The following IKZF1 variants were observed in gnomAD, a reference collection of about 807,000 sequenced individuals.
IKZF1 encodes DNA-binding protein Ikaros.
A neutral mutation model predicts 51.7 loss-of-function variants in IKZF1; 10 were observed. The ratio of observed to expected loss-of-function variants is 0.19; its 90% CI spans 0.12 to 0.33. IKZF1 has a LOEUF of 0.33. Ranked by LOEUF, IKZF1 falls within the 10% of genes least tolerant of loss-of-function variation. The probability of loss-of-function intolerance (pLI) is 1.00; values close to 1 mark genes in which losing one functional copy is unlikely to be tolerated. For synonymous variants in IKZF1, 280 were observed against 282.3 expected (o/e 0.99, Z 0.08); for missense variants, 484 against 707.5 (o/e 0.68, Z 3.58).
rs1026119292 is a variant in IKZF1 at position 50,354,721 on chromosome 7, T to C, written c.161-21812T>C. ...TCTTTTCCCTAGTATTGGTGAAGAA[T>C]TTTTAAAGTAACCAACCCATACCGT... On this transcript the variant is annotated intron_variant, in intron 3 of 7. Coordinates refer to ENST00000331340, the MANE Select transcript of IKZF1 (RefSeq NM_006060.6). 7.2e-5 allele frequency among the ~76,000 whole-genome samples: 11 copies of C among 152,146 alleles called. No homozygotes were observed. The East Asian group carries it at 2.1e-3, about 29-fold the overall frequency.
At chr7:50,361,925 G>A (rs946982972) in intron 3 of IKZF1, among the ~76,000 whole-genome samples, 1 of 152,082 alleles carries the variant, frequency 6.6e-6, no homozygotes, top group African/African-American at 2.4e-5. Flanking sequence ...TTTTGAACCT[G>A]CTGTTTCCTT....
intron 3 of IKZF1, among the ~76,000 whole-genome samples, chr7:50,329,456 A>G (rs930156848): frequency 6.6e-6 from 1 of 152,232 alleles, no homozygotes; most frequent in Non-Finnish European, 1.5e-5. Flanking sequence ...ATTGTCTTCT[A>G]TGTATTGCAA....
chr7:50,339,448 G>C (rs1357652990), intron 3 of IKZF1, among the ~76,000 whole-genome samples: 1 of 152,056 alleles, frequency 6.6e-6, no homozygotes, highest in Admixed American at 6.6e-5. Flanking sequence ...GTTGCTGGGG[G>C]AGTATGATTA....
chr7:50,383,272 A>G (rs1439867983), intron 5 of IKZF1, among the ~76,000 whole-genome samples: 1 of 152,204 alleles, frequency 6.6e-6, no homozygotes, highest in African/African-American at 2.4e-5. Context: ...ACCAGATTTT[A>G]GACAGCAGCC....
At chr7:50,363,820 G>C (rs1166467352) in intron 3 of IKZF1, among the ~76,000 whole-genome samples, 11 of 152,158 alleles carry the variant, frequency 7.2e-5, no homozygotes, top group Admixed American at 7.2e-4. Flanking sequence ...TGTTCTGTCT[G>C]GAGTATTTGG....
At chr7:50,384,651 C>T (rs181376187) in intron 5 of IKZF1, among the ~76,000 whole-genome samples, 82 of 152,340 alleles carry the variant, frequency 5.4e-4, no homozygotes, top group Non-Finnish European at 6.3e-4. Context: ...AAAGGTGGTA[C>T]CTGGGCCTGA....
At chr7:50,391,618 G>T (rs1378941585) in intron 6 of IKZF1, 111 bp from the exon 7 acceptor site, 12 of 1,450,698 alleles carry the variant, frequency 8.3e-6, no homozygotes, top group Non-Finnish European at 1.0e-5. Flanking sequence ...TAATCTCTAG[G>T]AAGGGCCTGG....
chr7:50,365,389 G>A (rs1023361321), intron 3 of IKZF1, among the ~76,000 whole-genome samples: 2 of 152,168 alleles, frequency 1.3e-5, no homozygotes, highest in African/African-American at 4.8e-5. Flanking sequence ...AAACAATTTT[G>A]TGAACCACAT....
intron 1 of IKZF1, among the ~76,000 whole-genome samples, chr7:50,305,762 T>A (rs996405596): frequency 6.6e-6 from 1 of 152,220 alleles, no homozygotes; most frequent in African/African-American, 2.4e-5. Context: ...GACAAAATGG[T>A]GTTGAGGAAA....
chr7:50,399,958 C>T lies in IKZF1; in HGVS notation c.891C>T (p.Ala297=), dbSNP rs1165038682. Residue 297 remains alanine (A), a synonymous_variant, in exon 8 of 8, where the codon GCC becomes GCT. Coordinates refer to ENST00000331340, the MANE Select transcript of IKZF1 (RefSeq NM_006060.6). ...CCGACACGCCCTACGACAGCAGCGCCAGCTACGAGAAGGAGAACGAAATGA... is the reference window on the plus strand; with the variant it reads ...CCGACACGCCCTACGACAGCAGCGCTAGCTACGAGAAGGAGAACGAAATGA... ...GLSDTPYDSS[A]SYEKENEMMK... is the part of the protein sequence containing the mutation. 1.2e-6 allele frequency: 2 copies of T among 1,613,440 alleles called. No individual in the cohort carries two copies. Among genetic ancestry groups the T allele is most frequent in the South Asian group, 2.2e-5 (2 of 90,844 alleles).
intron 4 of IKZF1, among the ~76,000 whole-genome samples, chr7:50,381,858 A>C (rs1305381245): frequency 1.3e-5 from 2 of 152,204 alleles, no homozygotes; most frequent in African/African-American, 4.8e-5. Context: ...CTTCCTTCAC[A>C]GTTTCTTAAC....
chr7:50,340,554 T>C (rs1203085330), intron 3 of IKZF1, among the ~76,000 whole-genome samples: 1 of 152,270 alleles, frequency 6.6e-6, no homozygotes, highest in Admixed American at 6.5e-5. Context: ...GAAATCCTGC[T>C]GAAATGAGAA....
intron 1 of IKZF1, chr7:50,318,502 G>C (rs1380618198): frequency 8.8e-6 from 2 of 226,774 alleles, no homozygotes; most frequent in African/African-American, 4.5e-5. Flanking sequence ...CATCTGCCAG[G>C]CTGGAGGTGT....
In IKZF1 at chr7:50,364,817, G is replaced by A. The variant is rs79666128; in HGVS notation, c.161-11716G>A. 6.9e-3 allele frequency among the ~76,000 whole-genome samples: 1,055 copies of A among 152,342 alleles called. 26 individuals carry two copies. The highest frequency in any genetic ancestry group is 0.026 in the East Asian group (137 of 5,180). ...CTCACCTGCTCTGTGACTTTGTTCA[G>A]TCCCTACCCTGGATGTGTGGTGAAG... On this transcript the variant is annotated intron_variant, in intron 3 of 7. Transcript: ENST00000331340.
rs112178157 is a variant in IKZF1 at position 50,314,340 on chromosome 7, G to A, written c.-14-4708G>A. 3.9e-3 allele frequency among the ~76,000 whole-genome samples: 594 copies of A among 152,264 alleles called. 3 individuals are homozygous for A. Among genetic ancestry groups the A allele is most frequent in the Non-Finnish European group, 6.4e-3 (434 of 68,018 alleles). On this transcript the variant is annotated intron_variant, in intron 1 of 7. Transcript: ENST00000331340. ...TTAGCCAGGATGGTCTTGATCTCCT[G>A]ACCTCATGATCCGCCTGCCTCGGCC...
At chr7:50,373,512 G>A (rs1405726645) in intron 3 of IKZF1, among the ~76,000 whole-genome samples, 3 of 152,158 alleles carry the variant, frequency 2.0e-5, no homozygotes, top group Non-Finnish European at 2.9e-5. Flanking sequence ...GTTCTGCGTG[G>A]TGTCCTTTTT....
In IKZF1 at chr7:50,403,570, C is replaced by T. The variant is rs1489039724; in HGVS notation, c.*2943C>T. 4.4e-6 allele frequency: 1 copy of T among 229,644 alleles called. No homozygotes were observed. Among genetic ancestry groups the T allele is most frequent in the Non-Finnish European group, 8.6e-6 (1 of 115,786 alleles). 14.2% of individuals were successfully genotyped at this position (229,644 alleles called of 1,614,324 possible). A position where few individuals can be genotyped will look rare whatever the true frequency, so the allele number is the denominator to read the frequency against. ...AAGCCTGGATCTCAGCTCCTTGCCC[C>T]ATATCCCTTCTGTAATTTGTACCTA... On this transcript the variant is annotated 3_prime_UTR_variant, in exon 8 of 8. Coordinates refer to ENST00000331340, the MANE Select transcript of IKZF1 (RefSeq NM_006060.6).
intron 3 of IKZF1, among the ~76,000 whole-genome samples, chr7:50,371,470 G>T (rs1324009279): frequency 1.3e-5 from 2 of 152,202 alleles, no homozygotes; most frequent in African/African-American, 4.8e-5. Flanking sequence ...TGGGACAAAG[G>T]CCCTGAACTC....
intron 3 of IKZF1, among the ~76,000 whole-genome samples, chr7:50,348,753 T>A (rs911728744): frequency 8.5e-5 from 13 of 152,240 alleles, no homozygotes; most frequent in African/African-American, 3.1e-4. Flanking sequence ...AACAAGCGAT[T>A]TGTTATTTTG....
Sources: gnomAD v4.1 joint callset for allele counts (sites outside exome capture counted in the v4.1 genomes callset) on GRCh38, gnomAD v4.1.1 for gene constraint, MANE v1.5 for transcripts, NCBI Gene and HGNC (gene_info 2026-07-23, HGNC 2026-07-21) for gene names.